The following IKBKB variants were observed in gnomAD, a reference collection of about 807,000 sequenced individuals.
IKBKB encodes the protein inhibitor of nuclear factor kappa-B kinase subunit beta.
Under a neutral mutation model 113.6 loss-of-function variants are expected in IKBKB, and 42 were observed. The observed-to-expected ratio is 0.37, with a 90% CI of 0.29 to 0.48. The LOEUF (loss-of-function observed/expected upper bound fraction) is 0.48, where lower values mean the gene tolerates loss of function less well. Among genes scored for constraint, IKBKB ranks in the 20% least tolerant of loss-of-function variants. The probability of loss-of-function intolerance (pLI) is 0.99; values close to 1 mark genes in which losing one functional copy is unlikely to be tolerated. For missense variants in IKBKB, 673 were observed against 939.7 expected (o/e 0.72, Z 3.71); for synonymous variants, 296 against 361.3 (o/e 0.82, Z 2.05).
At chr8:42,298,348 C>T (rs984434273) in intron 5 of IKBKB, 6 of 985,306 alleles carry the variant, frequency 6.1e-6, no homozygotes, top group African/African-American at 1.7e-5. Flanking sequence ...CTTTCGGGAA[C>T]CCACCCCTCT....
At chr8:42,310,224 TTTAC>T (rs549375771) in intron 8 of IKBKB, among the ~76,000 whole-genome samples, 132 of 152,216 alleles carry the variant, frequency 8.7e-4, no homozygotes, top group Non-Finnish European at 1.6e-3. Flanking sequence ...CTGCTCAAAA[TTTAC>T]TTACTTCAAG....
intron 5 of IKBKB, chr8:42,298,013 C>T: frequency 2.4e-6 from 2 of 824,014 alleles, no homozygotes; most frequent in Non-Finnish European, 2.9e-6. Context: ...ACCTGGGACC[C>T]ATGTGGAGCA....
rs756057797 is a variant in IKBKB at position 42,314,328 on chromosome 8, A to G, written c.699A>G (p.Ser233=). ...ACAAGATTCATATTTGCAGGCATTC[A>G]AAAGTGCGGCAGAAGAGTGAGGTGG... ...LPNWQPVQWH[S]KVRQKSEVDI... Residue 233 remains serine (S), a synonymous_variant, in exon 9 of 22, where the codon TCA becomes TCG. Transcript: ENST00000520810. 2.5e-6 allele frequency: 4 copies of G among 1,612,606 alleles called. No homozygotes were observed. The African/African-American group carries it at 5.3e-5, about 22-fold the overall frequency.
rs1306366888 is a variant in IKBKB at position 42,321,958 on chromosome 8, C to G, written c.1738+13C>G. 6.2e-7 allele frequency: 1 copy of G among 1,613,008 alleles called. No homozygotes were observed. The highest frequency in any genetic ancestry group is 1.7e-5 in the Admixed American group (1 of 59,978). On this transcript the variant is annotated intron_variant, in intron 17 of 21. Coordinates refer to ENST00000520810, the MANE Select transcript of IKBKB (RefSeq NM_001556.3). ...GAAAAACCTCGAGGTAAGTGGGGTT[C>G]TGTGTCTGCCTTGGGCTTCTCCTTA...
chr8:42,325,138 AG>A, intron 19 of IKBKB: 1 of 767,304 alleles, frequency 1.3e-6, no homozygotes, highest in Non-Finnish European at 1.6e-6. Context: ...AGATCAGCAG[AG>A]GGGTGACCTG....
In IKBKB at chr8:42,316,759, T is replaced by G. The variant is rs777373586; in HGVS notation, c.980T>G (p.Val327Gly). 11 of 1,613,970 alleles carry G rather than the reference T, an allele frequency of 6.8e-6. No homozygotes were observed. In the African/African-American group the frequency reaches 1.5e-4, roughly 22 times the overall value. Reference protein sequence around the residue: ...MVTGTIHTYPVTEDESLQSLK... With the variant: ...MVTGTIHTYPGTEDESLQSLK... Reference sequence around the variant, plus strand: ...ACGGGCACCATCCACACCTACCCTGTGACAGAGGATGAGAGTCTGCAGAGC... The same window carrying G: ...ACGGGCACCATCCACACCTACCCTGGGACAGAGGATGAGAGTCTGCAGAGC... The change falls in exon 11 of 22, where the codon GTG becomes GGG. Residue 327 changes from valine (V) to glycine (G), a missense_variant. Physicochemically the swap from Val to Gly is moderately radical, Grantham distance 109. Around this residue, in one of 2 missense-constraint regions of IKBKB, gnomAD observed 506 missense variants for 638.7 expected, o/e 0.79. Coordinates refer to ENST00000520810, the MANE Select transcript of IKBKB (RefSeq NM_001556.3). This position sits in a 1 kb window ranked among gnomAD's most constrained non-coding sequence, Gnocchi z 4.5.
intron 19 of IKBKB, chr8:42,325,668 ACT>A: frequency 8.9e-7 from 1 of 1,124,492 alleles, no homozygotes; most frequent in Non-Finnish European, 1.1e-6. Context: ...ACAGAGCAAG[ACT>A]CTCAATCATA....
In IKBKB at chr8:42,284,348, C is replaced by T. The variant is rs1254035814; in HGVS notation, c.106-4286C>T. 3.9e-5 allele frequency among the ~76,000 whole-genome samples: 6 copies of T among 152,000 alleles called. No individual in the cohort carries two copies. The South Asian group carries it at 6.2e-4, about 16-fold the overall frequency. On this transcript the variant is annotated intron_variant, in intron 2 of 21. Transcript: ENST00000520810. ...CTGTAATCCCAGCACTTTGGGAGGC[C>T]GAGACGGGTGGATCACGAGGTCAGG...
intron 2 of IKBKB, among the ~76,000 whole-genome samples, chr8:42,274,995 G>A (rs1808773531): frequency 6.6e-6 from 1 of 151,756 alleles, no homozygotes; most frequent in Non-Finnish European, 1.5e-5. Context: ...TCCAGCCTCA[G>A]CCTCCCAAGT....
intron 21 of IKBKB, chr8:42,329,445 C>G (rs576814127): frequency 1.0e-5 from 9 of 900,528 alleles, no homozygotes; most frequent in Non-Finnish European, 1.3e-5. Context: ...GCCTCAGCCT[C>G]CTGAGTAGCT....
chr8:42,301,330 C>T (rs990222903), intron 5 of IKBKB, among the ~76,000 whole-genome samples: 10 of 152,192 alleles, frequency 6.6e-5, no homozygotes, highest in Admixed American at 1.3e-4. Flanking sequence ...TTTTAATAAA[C>T]TTCCAGATTC....
intron 14 of IKBKB, 76 bp from the exon 15 acceptor site, chr8:42,319,509 G>A (rs746571248): frequency 6.3e-7 from 1 of 1,589,172 alleles, no homozygotes; most frequent in Non-Finnish European, 8.6e-7. Flanking sequence ...TTATAATTGA[G>A]TTGCTTATTT....
intron 5 of IKBKB, among the ~76,000 whole-genome samples, chr8:42,296,950 C>T (rs947298970): frequency 6.6e-6 from 1 of 152,190 alleles, no homozygotes; most frequent in African/African-American, 2.4e-5. Flanking sequence ...AGTGTTAGTT[C>T]CTTGCTCATT....
In IKBKB at chr8:42,320,990, T is replaced by C. The variant is rs1012447136; in HGVS notation, c.1688+146T>C. 8 of 519,754 alleles carry C rather than the reference T, an allele frequency of 1.5e-5. No homozygotes were observed. The African/African-American group carries it at 1.6e-4, about 10-fold the overall frequency. 32.2% of individuals were successfully genotyped at this position (519,754 alleles called of 1,614,324 possible). A position where few individuals can be genotyped will look rare whatever the true frequency, so the allele number is the denominator to read the frequency against. ...CTGTGGGGTCACTTCCAGCAAATCA[T>C]CACTGAGCTTCAGTTTCCAAATCTG... On this transcript the variant is annotated intron_variant, in intron 16 of 21. Transcript: ENST00000520810.
chr8:42,286,345 T>C (rs1252141401), intron 2 of IKBKB, among the ~76,000 whole-genome samples: 1 of 152,182 alleles, frequency 6.6e-6, no homozygotes, highest in African/African-American at 2.4e-5. Flanking sequence ...GAGGTTTCCA[T>C]TTTTCCTTTT....
intron 2 of IKBKB, among the ~76,000 whole-genome samples, chr8:42,276,758 G>A (rs550799852): frequency 1.2e-4 from 18 of 150,106 alleles, no homozygotes; most frequent in African/African-American, 3.9e-4. Context: ...AGACAGGTGC[G>A]ATCTCGGGTC....
intron 5 of IKBKB, among the ~76,000 whole-genome samples, chr8:42,299,626 C>T (rs1323785597): frequency 3.3e-5 from 5 of 152,186 alleles, no homozygotes; most frequent in East Asian, 1.9e-4. Flanking sequence ...GCATGATCCT[C>T]GGAACCCACC....
At chr8:42,277,059 A>G (rs1809293190) in intron 2 of IKBKB, among the ~76,000 whole-genome samples, 1 of 148,630 alleles carries the variant, frequency 6.7e-6, no homozygotes, top group South Asian at 2.1e-4. Flanking sequence ...TTTAGTAGAG[A>G]TGGGGTTTCA....
Position 42,288,544 on chromosome 8 carries a change from T to G in IKBKB, c.106-90T>G, listed in dbSNP as rs1304613780. 5 of 942,432 alleles carry G rather than the reference T, an allele frequency of 5.3e-6. No individual in the cohort carries two copies. In the African/African-American group the frequency reaches 8.2e-5, roughly 15 times the overall value. 58.4% of individuals were successfully genotyped at this position (942,432 alleles called of 1,614,324 possible). On this transcript the variant is annotated intron_variant, in intron 2 of 21. Coordinates refer to ENST00000520810, the MANE Select transcript of IKBKB (RefSeq NM_001556.3). ...ACCAGGAGGTGATTGCAGGTAACGC[T>G]TGGGGCCTGGAGACCCCTCCCATGC...
Sources: gnomAD v4.1 joint callset for allele counts (sites outside exome capture counted in the v4.1 genomes callset) on GRCh38, gnomAD v4.1.1 for gene constraint, gnomAD v4.1.1 regional missense constraint, Gnocchi (gnomAD v3.1) non-coding constraint, MANE v1.5 for transcripts, NCBI Gene and HGNC (gene_info 2026-07-23, HGNC 2026-07-21) for gene names.